Variants in ESRRG observed in about 807,000 individuals in gnomAD.
ESRRG encodes estrogen-related receptor gamma.
In ESRRG, 13 loss-of-function variants were observed where a neutral mutation model predicts 44.0. That is an observed-to-expected ratio of 0.30 (90% CI 0.19 to 0.47). ESRRG has a LOEUF of 0.47. Ranked by LOEUF, ESRRG falls within the 20% of genes least tolerant of loss-of-function variation. The pLI, the probability that ESRRG is intolerant of heterozygous loss-of-function variation, is 1.00. For synonymous variants in ESRRG, 215 were observed against 214.6 expected (o/e 1.00, Z -0.02); for missense variants, 395 against 580.6 (o/e 0.68, Z 3.29).
chr1:216,667,599 TCG>T (rs2074209384), intron 2 of ESRRG, among the ~76,000 whole-genome samples: 1 of 140,976 alleles, frequency 7.1e-6, no homozygotes, highest in East Asian at 2.1e-4. Flanking sequence ...GGCACAAGAA[TCG>T]CTTGAATCCG....
intron 2 of ESRRG, among the ~76,000 whole-genome samples, chr1:216,907,847 A>G (rs1379435677): frequency 1.3e-5 from 2 of 152,206 alleles, no homozygotes; most frequent in Non-Finnish European, 2.9e-5. Flanking sequence ...GAAGCCAGGC[A>G]CAAAGAATCG....
chr1:217,024,340 A>G (rs562857748), intron 1 of ESRRG, among the ~76,000 whole-genome samples: 1 of 150,016 alleles, frequency 6.7e-6, no homozygotes, highest in South Asian at 2.1e-4. Context: ...CCTGAGCGAC[A>G]GAGCAAGAGT....
chr1:216,579,406 C>T (rs934725712), intron 3 of ESRRG, among the ~76,000 whole-genome samples: 1 of 151,888 alleles, frequency 6.6e-6, no homozygotes, highest in Non-Finnish European at 1.5e-5. Context: ...AATTTTTTGT[C>T]AAAGAAATTA....
intron 5 of ESRRG, among the ~76,000 whole-genome samples, chr1:216,561,680 G>A (rs6675340): frequency 0.84 from 127,572 of 152,022 alleles, 53,874 homozygotes; most frequent in Middle Eastern, 0.88. Context: ...TACCTCAAGC[G>A]CTGTATGGCA....
chr1:216,704,367 T>A (rs545526526), intron 1 of ESRRG, among the ~76,000 whole-genome samples: 4 of 152,024 alleles, frequency 2.6e-5, no homozygotes, highest in South Asian at 2.1e-4. Context: ...TACAAAAAAA[T>A]TTAGCTAGGC....
At chr1:216,835,236 G>A (rs779733324) in intron 2 of ESRRG, among the ~76,000 whole-genome samples, 3 of 152,154 alleles carry the variant, frequency 2.0e-5, no homozygotes, top group Non-Finnish European at 4.4e-5. Flanking sequence ...TGAGCAATGA[G>A]TGATTCACAA....
At chr1:217,054,294 G>T (rs147177653) in intron 1 of ESRRG, among the ~76,000 whole-genome samples, 154 of 152,198 alleles carry the variant, frequency 1.0e-3, no homozygotes, top group Middle Eastern at 3.4e-3. Context: ...GGTCATACTG[G>T]GGGGGAGCAT....
intron 6 of ESRRG, among the ~76,000 whole-genome samples, chr1:216,514,348 C>G: frequency 6.6e-6 from 1 of 151,946 alleles, no homozygotes; most frequent in South Asian, 2.1e-4. Flanking sequence ...TTCTTATTTA[C>G]CTGATAGTAT....
chr1:216,528,025 A>G (rs944851978), intron 5 of ESRRG, among the ~76,000 whole-genome samples: 1 of 150,708 alleles, frequency 6.6e-6, no homozygotes, highest in Non-Finnish European at 1.5e-5. Context: ...GCTGGCGCTC[A>G]GTAAATATGT....
intron 2 of ESRRG, among the ~76,000 whole-genome samples, chr1:216,796,851 C>T (rs542966930): frequency 6.6e-6 from 1 of 152,186 alleles, no homozygotes; most frequent in South Asian, 2.1e-4. Context: ...GTCAGCATCA[C>T]TTTTTTAAAA....
chr1:216,933,159 T>C (rs779056923), intron 2 of ESRRG, among the ~76,000 whole-genome samples: 1 of 152,148 alleles, frequency 6.6e-6, no homozygotes, highest in Non-Finnish European at 1.5e-5. Context: ...GTGCAACATA[T>C]AGAAAATATT....
Position 216,961,732 on chromosome 1 carries a change from T to A in ESRRG, c.-105-22059A>T, listed in dbSNP as rs184417096. Among the ~76,000 whole-genome samples the A allele has an allele frequency of 3.8e-3, 575 of 152,276 alleles. 1 individual carries two copies. Among genetic ancestry groups the A allele is most frequent in the Non-Finnish European group, 5.3e-3 (363 of 67,994 alleles). ...AACTATAGGTGGCATTGTTGTAACATATATCATGTTCTCAATTACCTGCAT... is the reference window on the plus strand; with the variant it reads ...AACTATAGGTGGCATTGTTGTAACAAATATCATGTTCTCAATTACCTGCAT... On this transcript the variant is annotated intron_variant, in intron 1 of 7. Coordinates refer to the ESRRG transcript ENST00000359162.
At chr1:216,965,678 G>C (rs541003413) in intron 1 of ESRRG, among the ~76,000 whole-genome samples, 91 of 152,246 alleles carry the variant, frequency 6.0e-4, no homozygotes, top group Non-Finnish European at 1.2e-3. Context: ...GAGGCCAAAG[G>C]GCAGCTATAT....
chr1:216,793,881 T>A (rs937807367), intron 2 of ESRRG, among the ~76,000 whole-genome samples: 6 of 152,044 alleles, frequency 3.9e-5, no homozygotes, highest in Non-Finnish European at 1.5e-5. Flanking sequence ...TCTGAATGAA[T>A]GATCCTCTCC....
At chr1:216,595,862 C>T (rs917873169) in intron 3 of ESRRG, among the ~76,000 whole-genome samples, 1 of 152,134 alleles carries the variant, frequency 6.6e-6, no homozygotes, top group African/African-American at 2.4e-5. Flanking sequence ...GGTAGAAAAA[C>T]TATAGGACTT....
intron 2 of ESRRG, among the ~76,000 whole-genome samples, chr1:216,861,203 TAAAA>T (rs1360215670): frequency 2.6e-5 from 4 of 151,626 alleles, no homozygotes; most frequent in Non-Finnish European, 5.9e-5. Context: ...ATGAAATAAA[TAAAA>T]AATAAATAGA....
intron 1 of ESRRG, among the ~76,000 whole-genome samples, chr1:216,956,732 C>A (rs1254973337): frequency 6.6e-6 from 1 of 152,102 alleles, no homozygotes; most frequent in Non-Finnish European, 1.5e-5. Context: ...CCTGGCAGTG[C>A]AGTTAGAGAG....
chr1:216,682,033 T>TA (rs1393122514), intron 1 of ESRRG: 2 of 152,214 alleles, frequency 1.3e-5, no homozygotes, highest in Admixed American at 6.5e-5. Context: ...AACTCTGGAA[T>TA]AACAATAATG....
At chr1:216,658,610 C>G (rs1174002404) in intron 2 of ESRRG, among the ~76,000 whole-genome samples, 1 of 147,762 alleles carries the variant, frequency 6.8e-6, no homozygotes, top group Non-Finnish European at 1.5e-5. Context: ...CACCTGAGGT[C>G]AGGAGTTCGA....
Sources: allele counts gnomAD v4.1 joint callset (sites outside exome capture counted in the v4.1 genomes callset), GRCh38; gene constraint gnomAD v4.1.1; transcripts MANE v1.5; gene names NCBI Gene and HGNC (gene_info 2026-07-23, HGNC 2026-07-21).